MGAT5: variants seen among roughly 807,000 people sequenced by gnomAD.
The protein encoded by MGAT5 is alpha-1,6-mannosylglycoprotein 6-beta-N-acetylglucosaminyltransferase.
MGAT5 carries 30 observed loss-of-function variants against 94.3 expected under a neutral mutation model. The observed-to-expected ratio is 0.32, with a 90% CI of 0.24 to 0.43. The LOEUF is 0.43. MGAT5 is among the 20% of genes least tolerant of loss of function. The pLI is 1.00. For missense variants in MGAT5, 691 were observed against 905.5 expected, an observed-to-expected ratio of 0.76 and a Z score of 3.04; for synonymous variants, 310 against 322.9, an observed-to-expected ratio of 0.96 and a Z score of 0.43.
chr2:134,379,808 G>T (rs1486907952), intron 10 of MGAT5, among the ~76,000 whole-genome samples: 1 of 152,216 alleles, frequency 6.6e-6, no homozygotes, highest in Admixed American at 6.5e-5. Context: ...ATCCCCTCTT[G>T]ATAAGAACTC....
chr2:134,341,193 T>A (rs1688610159), intron 6 of MGAT5, among the ~76,000 whole-genome samples: 1 of 152,184 alleles, frequency 6.6e-6, no homozygotes. Context: ...GACTATATTG[T>A]CATGTTTGCC....
chr2:134,196,661 G>C (rs943034433), intron 1 of MGAT5, among the ~76,000 whole-genome samples: 1 of 152,228 alleles, frequency 6.6e-6, no homozygotes, highest in Non-Finnish European at 1.5e-5. Context: ...TTTAGAGCAA[G>C]CTTGTCCAGA....
intron 1 of MGAT5, among the ~76,000 whole-genome samples, chr2:134,203,192 T>G (rs928148421): frequency 1.3e-5 from 2 of 152,280 alleles, no homozygotes; most frequent in African/African-American, 4.8e-5. Flanking sequence ...TATGCAAAAA[T>G]TAGGTTATCC....
chr2:134,400,354 T>C (rs1682967120), intron 10 of MGAT5, among the ~76,000 whole-genome samples: 1 of 152,220 alleles, frequency 6.6e-6, no homozygotes, highest in Non-Finnish European at 1.5e-5. Flanking sequence ...ACATTTTTTT[T>C]CCTCTAATCA....
At position 134,163,010 on chromosome 2, in the gene MGAT5, C is replaced by G. The variant is rs562649936; in HGVS notation, c.-143+42719C>G. 4.6e-5 allele frequency among the ~76,000 whole-genome samples: 7 copies of G among 152,182 alleles called. No individual in the cohort carries two copies. The East Asian group carries it at 1.4e-3, about 29-fold the overall frequency. On this transcript the variant is annotated intron_variant, in intron 1 of 16. Coordinates refer to the MGAT5 transcript ENST00000409645. ...AAATATTTGTGGAGTGTCGGTGTTGCTGAAGATTCTGTGTCTGAAATACTC... is the reference window on the plus strand; with the variant it reads ...AAATATTTGTGGAGTGTCGGTGTTGGTGAAGATTCTGTGTCTGAAATACTC...
At chr2:134,170,526 G>A (rs1198737156) in intron 1 of MGAT5, among the ~76,000 whole-genome samples, 1 of 152,114 alleles carries the variant, frequency 6.6e-6, no homozygotes, top group African/African-American at 2.4e-5. Flanking sequence ...TACTTTATGC[G>A]GTTTGCAGGA....
intron 1 of MGAT5, among the ~76,000 whole-genome samples, chr2:134,239,848 CA>C (rs1681875268): frequency 6.6e-6 from 1 of 151,894 alleles, no homozygotes; most frequent in African/African-American, 2.4e-5. Flanking sequence ...AGAAAAAAGA[CA>C]AGGAGAAGAG....
chr2:134,189,844 C>T (rs1689279976), intron 1 of MGAT5, among the ~76,000 whole-genome samples: 2 of 151,990 alleles, frequency 1.3e-5, no homozygotes, highest in African/African-American at 4.8e-5. Flanking sequence ...TCCTGATCCA[C>T]CCACCTCGGC....
At chr2:134,424,414 A>G (rs996563906) in intron 13 of MGAT5, among the ~76,000 whole-genome samples, 5 of 152,168 alleles carry the variant, frequency 3.3e-5, no homozygotes, top group African/African-American at 1.2e-4. Context: ...TCAGCTTCCC[A>G]TTGATGATAC....
intron 1 of MGAT5, among the ~76,000 whole-genome samples, chr2:134,126,421 C>G (rs1219087874): frequency 2.0e-5 from 3 of 152,130 alleles, no homozygotes; most frequent in African/African-American, 7.2e-5. Context: ...TTGCTTAATT[C>G]TATACATGTG....
chr2:134,424,379 G>A (rs1209936218), intron 13 of MGAT5, among the ~76,000 whole-genome samples: 1 of 152,180 alleles, frequency 6.6e-6, no homozygotes, highest in African/African-American at 2.4e-5. Context: ...CCGCTTCAAG[G>A]TGGTCTGGTT....
intron 10 of MGAT5, among the ~76,000 whole-genome samples, chr2:134,368,872 A>G (rs1177466591): frequency 1.3e-5 from 2 of 151,848 alleles, no homozygotes; most frequent in Non-Finnish European, 1.5e-5. Flanking sequence ...ACCCTCCTTA[A>G]TGGCTGCTGC....
chr2:134,262,077 C>G (rs571319579), intron 1 of MGAT5, among the ~76,000 whole-genome samples: 1 of 152,052 alleles, frequency 6.6e-6, no homozygotes, highest in Non-Finnish European at 1.5e-5. Flanking sequence ...AACAAGTCAC[C>G]GATCATCTTA....
intron 1 of MGAT5, among the ~76,000 whole-genome samples, chr2:134,172,681 C>T (rs570640894): frequency 6.6e-6 from 1 of 152,310 alleles, no homozygotes; most frequent in South Asian, 2.1e-4. Flanking sequence ...CCACCATGCC[C>T]AGCCAGTACT....
intron 10 of MGAT5, among the ~76,000 whole-genome samples, chr2:134,402,582 C>T (rs1362271509): frequency 1.3e-5 from 2 of 152,176 alleles, no homozygotes; most frequent in African/African-American, 2.4e-5. Context: ...TGACTGCCTT[C>T]CCCGGGCTGT....
intron 14 of MGAT5, among the ~76,000 whole-genome samples, chr2:134,429,144 T>A (rs1684747326): frequency 6.6e-6 from 1 of 152,150 alleles, no homozygotes; most frequent in Non-Finnish European, 1.5e-5. Flanking sequence ...TAAGGTGCTC[T>A]TCCTAAAGGA....
In MGAT5 at chr2:134,254,544, C is replaced by G; in HGVS notation, c.141C>G (p.Arg47=). Residue 47 remains arginine (R), a synonymous_variant, in exon 1 of 16, where the codon CGC becomes CGG. Coordinates refer to ENST00000281923, the MANE Select transcript of MGAT5 (RefSeq NM_002410.5). ...AGCCTGAAAGCAGCTCCATGCTGCG[C>G]GAGCAGATCCTGGACCTCAGCAAAA... The part of the protein sequence containing the change: ...RTQPESSSML[R]EQILDLSKRY... 1 of 1,614,178 alleles carries G rather than the reference C, an allele frequency of 6.2e-7. No individual in the cohort carries two copies. The highest frequency in any genetic ancestry group is 8.5e-7 in the Non-Finnish European group (1 of 1,180,036).
intron 1 of MGAT5, among the ~76,000 whole-genome samples, chr2:134,141,577 A>T (rs1353841259): frequency 6.6e-6 from 1 of 152,208 alleles, no homozygotes; most frequent in Non-Finnish European, 1.5e-5. Flanking sequence ...CGGGGAGCTT[A>T]CAGCCTAATG....
At chr2:134,184,670 CTTG>C (rs1274819253) in intron 1 of MGAT5, among the ~76,000 whole-genome samples, 1 of 152,006 alleles carries the variant, frequency 6.6e-6, no homozygotes, top group East Asian at 1.9e-4. Flanking sequence ...TCAACAGATA[CTTG>C]TTGTAGTAGG....
Sources: gnomAD v4.1 joint callset for allele counts (sites outside exome capture counted in the v4.1 genomes callset) on GRCh38, gnomAD v4.1.1 for gene constraint, MANE v1.5 for transcripts, NCBI Gene and HGNC (gene_info 2026-07-23, HGNC 2026-07-21) for gene names.